Variants in SLIT3 observed in about 807,000 individuals in gnomAD.
SLIT3 encodes slit homolog 3 protein.
Under a neutral mutation model 184.0 loss-of-function variants are expected in SLIT3, and 68 were observed. That is an observed-to-expected ratio of 0.37 (90% CI 0.30 to 0.45). SLIT3 has a LOEUF of 0.45. SLIT3 is among the 20% of genes least tolerant of loss of function. The pLI, the probability that SLIT3 is intolerant of heterozygous loss-of-function variation, is 1.00. For synonymous variants in SLIT3, 831 were observed against 828.6 expected, an observed-to-expected ratio of 1.00 and a Z score of -0.05; for missense variants, 1,707 against 2,026.0, an observed-to-expected ratio of 0.84 and a Z score of 3.02.
At chr5:169,257,354 T>C (rs56979424) in intron 1 of SLIT3, among the ~76,000 whole-genome samples, 42,012 of 140,866 alleles carry the variant, frequency 0.3, 6,541 homozygotes, top group East Asian at 0.43. Flanking sequence ...CTCCTTTGGA[T>C]CCCCACAGCC....
intron 2 of SLIT3, 45 bp from the exon 3 acceptor site, chr5:169,244,821 AG>A (rs1445092323): frequency 1.9e-6 from 3 of 1,546,338 alleles, no homozygotes; most frequent in African/African-American, 2.7e-5. Context: ...AGCTGGGCTC[AG>A]GGACCCTCAT....
rs559676864 is a variant in SLIT3, at chr5:169,185,066, C to T, written c.413+8413G>A. Among the ~76,000 whole-genome samples, 15 of 152,298 alleles carry T rather than the reference C, an allele frequency of 9.8e-5. No individual in the cohort carries two copies. The South Asian group carries it at 2.9e-3, about 29-fold the overall frequency. ...GAGACGACACCTCCCAGGCCTTCATCCCTGGCTCTGGCTTCAGGTACTACA... is the reference window on the plus strand; with the variant it reads ...GAGACGACACCTCCCAGGCCTTCATTCCTGGCTCTGGCTTCAGGTACTACA... On this transcript the variant is annotated intron_variant, in intron 4 of 35. Transcript: ENST00000519560.
chr5:169,148,081 C>G (rs1429148975), intron 4 of SLIT3, among the ~76,000 whole-genome samples: 1 of 152,170 alleles, frequency 6.6e-6, no homozygotes, highest in Non-Finnish European at 1.5e-5. Context: ...CATCATATCT[C>G]CACGTACCAG....
At chr5:169,244,893 T>C in intron 2 of SLIT3, 117 bp from the exon 3 acceptor site, 1 of 853,652 alleles carries the variant, frequency 1.2e-6, no homozygotes, top group Non-Finnish European at 1.9e-6. Context: ...TCAGTGTCCC[T>C]TCAACTGGGA....
intron 4 of SLIT3, among the ~76,000 whole-genome samples, chr5:168,999,606 T>C (rs1173476767): frequency 1.3e-5 from 2 of 152,180 alleles, no homozygotes; most frequent in Admixed American, 6.5e-5. Flanking sequence ...CCCACTCACA[T>C]TGGCTTCCTA....
At chr5:168,858,595 T>C (rs1165463105) in intron 5 of SLIT3, among the ~76,000 whole-genome samples, 1 of 152,238 alleles carries the variant, frequency 6.6e-6, no homozygotes, top group African/African-American at 2.4e-5. Context: ...AGCGTTGGGC[T>C]TACGCGTTGG....
At chr5:169,200,749 G>T (rs1763883750) in intron 3 of SLIT3, among the ~76,000 whole-genome samples, 1 of 152,156 alleles carries the variant, frequency 6.6e-6, no homozygotes, top group East Asian at 1.9e-4. Flanking sequence ...GTCACTGAAG[G>T]CCTCTTACTT....
At chr5:169,124,644 G>A (rs983299561) in intron 4 of SLIT3, among the ~76,000 whole-genome samples, 1 of 152,152 alleles carries the variant, frequency 6.6e-6, no homozygotes, top group Non-Finnish European at 1.5e-5. Context: ...AAAGAAAGAA[G>A]TTAAATGTTT....
Position 168,690,914 on chromosome 5 carries a change from T to TA in SLIT3, c.3176+1692dup, listed in dbSNP as rs764152191. Among the ~76,000 whole-genome samples, 107 of 152,290 alleles carry TA rather than the reference T, an allele frequency of 7.0e-4. 1 individual carries two copies. The highest frequency in any genetic ancestry group is 1.8e-3 in the Admixed American group (28 of 15,304). ...CTCATGTCTGCTTGTCACCCTTACT[T>TA]ACTTGCTTCTTCTTCCCCCAGTGGA... On this transcript the variant is annotated intron_variant, in intron 29 of 35. Coordinates refer to ENST00000519560, the MANE Select transcript of SLIT3 (RefSeq NM_003062.4).
chr5:168,969,409 G>A (rs780067438), intron 4 of SLIT3, among the ~76,000 whole-genome samples: 19 of 152,176 alleles, frequency 1.2e-4, no homozygotes, highest in Non-Finnish European at 2.5e-4. Flanking sequence ...TTAACTGGAC[G>A]AAAATAGACA....
chr5:169,241,252 C>T (rs994992441), intron 3 of SLIT3, among the ~76,000 whole-genome samples: 6 of 152,134 alleles, frequency 3.9e-5, no homozygotes, highest in Admixed American at 6.5e-5. Context: ...CAAAGTACTT[C>T]GTAGGTGATA....
In SLIT3 at chr5:168,880,859, T is replaced by C. The variant is rs370480527; in HGVS notation, c.485+2406A>G. On this transcript the variant is annotated intron_variant, in intron 5 of 35. Coordinates refer to ENST00000519560, the MANE Select transcript of SLIT3 (RefSeq NM_003062.4). ...AGCTCTGACAGCCCCTCATTACGTA[T>C]AGCTACTTATTAGCCAACTTTCATG... Among the ~76,000 whole-genome samples, 29 of 152,258 alleles carry C rather than the reference T, an allele frequency of 1.9e-4. No homozygotes were observed. In the East Asian group the frequency reaches 5.0e-3, roughly 26 times the overall value.
intron 2 of SLIT3, among the ~76,000 whole-genome samples, chr5:169,248,668 G>A (rs911087631): frequency 2.0e-4 from 30 of 152,074 alleles, no homozygotes; most frequent in Admixed American, 1.6e-3. Flanking sequence ...ATCGGAAATC[G>A]CCCCCCATGT....
chr5:168,672,805 C>G (rs542737250), intron 33 of SLIT3, among the ~76,000 whole-genome samples: 2 of 152,134 alleles, frequency 1.3e-5, no homozygotes, highest in Non-Finnish European at 2.9e-5. Flanking sequence ...ATTTTAATCT[C>G]AAATTCTTCT....
intron 4 of SLIT3, among the ~76,000 whole-genome samples, chr5:169,180,186 T>C (rs1763111762): frequency 6.6e-6 from 1 of 152,124 alleles, no homozygotes; most frequent in African/African-American, 2.4e-5. Context: ...CTGGCCACAC[T>C]GACATTTGAG....
intron 4 of SLIT3, among the ~76,000 whole-genome samples, chr5:169,015,534 A>G (rs1014535459): frequency 5.3e-5 from 8 of 152,198 alleles, no homozygotes; most frequent in Admixed American, 4.6e-4. Flanking sequence ...ACTTTGCACA[A>G]TTAACTTCTC....
intron 4 of SLIT3, among the ~76,000 whole-genome samples, chr5:169,108,062 T>C (rs1378493475): frequency 6.6e-6 from 1 of 152,216 alleles, no homozygotes; most frequent in Non-Finnish European, 1.5e-5. Flanking sequence ...GACCAGACCA[T>C]AGTTCCTCAT....
chr5:168,881,647 T>G (rs1875975), intron 5 of SLIT3, among the ~76,000 whole-genome samples: 1 of 152,118 alleles, frequency 6.6e-6, no homozygotes, highest in South Asian at 2.1e-4. Flanking sequence ...TTGTTTTTGG[T>G]TCATGTGAAC....
intron 35 of SLIT3, among the ~76,000 whole-genome samples, chr5:168,668,061 G>A (rs1467688934): frequency 3.3e-5 from 5 of 152,146 alleles, no homozygotes; most frequent in Admixed American, 3.3e-4. Flanking sequence ...ATGTGGAAAA[G>A]TCCTCAAGGC....
Sources: gnomAD v4.1 joint callset for allele counts (sites outside exome capture counted in the v4.1 genomes callset) on GRCh38, gnomAD v4.1.1 for gene constraint, MANE v1.5 for transcripts, NCBI Gene and HGNC (gene_info 2026-07-23, HGNC 2026-07-21) for gene names.